The following RUFY2 variants were observed in gnomAD, a reference collection of about 807,000 sequenced individuals.
RUFY2 encodes the protein RUN and FYVE domain containing 2, also known as RUN and FYVE domain-containing protein 2.
RUFY2 carries 49 observed loss-of-function variants against 94.4 expected under a neutral mutation model. That is an observed-to-expected ratio of 0.52 (90% CI 0.41 to 0.66). RUFY2 has a LOEUF of 0.66. Among genes scored for constraint, RUFY2 ranks in the 30% least tolerant of loss-of-function variants. RUFY2 has a pLI of 0.00. For synonymous variants in RUFY2, 255 were observed against 235.7 expected (o/e 1.08, Z -0.75); for missense variants, 541 against 692.8 (o/e 0.78, Z 2.46).
chr10:68,399,789 C>T (rs140808724), intron 3 of RUFY2, among the ~76,000 whole-genome samples: 245 of 152,240 alleles, frequency 1.6e-3, no homozygotes, highest in African/African-American at 5.6e-3. Flanking sequence ...GTAATACCAG[C>T]ACTTTTTTTG....
intron 3 of RUFY2, among the ~76,000 whole-genome samples, chr10:68,397,728 T>G (rs983692429): frequency 6.6e-6 from 1 of 150,970 alleles, no homozygotes; most frequent in African/African-American, 2.4e-5. Context: ...CAGTGAACAG[T>G]GATTGCATCA....
intron 13 of RUFY2, among the ~76,000 whole-genome samples, chr10:68,376,143 C>T (rs2048620575): frequency 1.3e-5 from 2 of 148,306 alleles, no homozygotes; most frequent in African/African-American, 2.5e-5. Flanking sequence ...AAAATGTTCT[C>T]GGCTGGGTGC....
At chr10:68,365,595 G>A (rs1387521241) in intron 13 of RUFY2, among the ~76,000 whole-genome samples, 6 of 152,116 alleles carry the variant, frequency 3.9e-5, no homozygotes, top group African/African-American at 1.4e-4. Context: ...TAGCTTACTC[G>A]TTTTTATCCA....
chr10:68,372,907 C>CAA (rs556331420), intron 13 of RUFY2, among the ~76,000 whole-genome samples: 4 of 131,766 alleles, frequency 3.0e-5, no homozygotes, highest in African/African-American at 1.1e-4. Flanking sequence ...GACCCTGTAT[C>CAA]AAAAAAAAAA....
At chr10:68,346,715 T>A (rs2046300815) in intron 16 of RUFY2, 1 of 152,168 alleles carries the variant, frequency 6.6e-6, no homozygotes, top group African/African-American at 2.4e-5. Context: ...AGGCATGCAA[T>A]ACGAAATAAG....
Position 68,345,318 on chromosome 10 carries a change from T to TA in RUFY2, c.*449dup, listed in dbSNP as rs1465943695. 1 of 294,324 alleles carries TA rather than the reference T, an allele frequency of 3.4e-6. No homozygotes were observed. The highest frequency in any genetic ancestry group is 6.2e-6 in the Non-Finnish European group (1 of 161,688). 18.2% of individuals were successfully genotyped at this position (294,324 alleles called of 1,614,324 possible). ...GGGCAAATAAATATAGTTGAAATCT[T>TA]ACAAAGATAATGAAAATCTGTTGAA... On this transcript the variant is annotated 3_prime_UTR_variant, in exon 18 of 18. Coordinates refer to ENST00000602465, the MANE Select transcript of RUFY2 (RefSeq NM_001330103.2).
downstream of RUFY2, chr10:68,342,018 C>T (rs367996402): frequency 7.6e-5 from 123 of 1,613,764 alleles, 1 homozygote; most frequent in Admixed American, 1.7e-4. Flanking sequence ...ATGGGCAAGG[C>T]GGCATGAGTG....
chr10:68,383,170 C>A (rs1052985208), intron 10 of RUFY2, among the ~76,000 whole-genome samples: 1 of 151,976 alleles, frequency 6.6e-6, no homozygotes, highest in East Asian at 1.9e-4. Context: ...ATAAAAAATA[C>A]AAAAGTTAGC....
intron 16 of RUFY2, 55 bp downstream of exon 16, chr10:68,355,298 C>A (rs1371250464): frequency 2.0e-5 from 25 of 1,240,644 alleles, no homozygotes; most frequent in African/African-American, 3.0e-5. Context: ...CAGGGCATTA[C>A]CTTCCATTGG....
intron 3 of RUFY2, among the ~76,000 whole-genome samples, chr10:68,400,022 C>T (rs748641934): frequency 2.6e-5 from 4 of 152,040 alleles, no homozygotes; most frequent in East Asian, 3.9e-4. Context: ...TCAGGTGATC[C>T]GCCCACCTCG....
chr10:68,398,586 A>G (rs1012221223), intron 3 of RUFY2, among the ~76,000 whole-genome samples: 10 of 152,148 alleles, frequency 6.6e-5, no homozygotes, highest in African/African-American at 2.4e-4. Flanking sequence ...CAGGAGGTGG[A>G]GGTTGCAACG....
At position 68,383,732 on chromosome 10, in the gene RUFY2, G is replaced by T. The variant is rs1430293877; in HGVS notation, c.939+66C>A. ...GATAAGGCTGAAAAAGATTTTAAAT[G>T]GTGCTTGCTTGAGGGTAAATTACTC... On this transcript the variant is annotated intron_variant, in intron 10 of 17. Coordinates refer to ENST00000602465, the MANE Select transcript of RUFY2 (RefSeq NM_001330103.2). 8 of 1,092,006 alleles carry T rather than the reference G, an allele frequency of 7.3e-6. No individual in the cohort carries two copies. The East Asian group carries it at 1.4e-4, about 19-fold the overall frequency. The allele number at this position is 1,092,006 out of a possible 1,614,324, so 67.6% of individuals were successfully genotyped here.
intron 11 of RUFY2, 115 bp downstream of exon 11, chr10:68,381,117 G>T: frequency 1.7e-6 from 1 of 599,234 alleles, no homozygotes; most frequent in Non-Finnish European, 2.7e-6. Context: ...AAAGACATTG[G>T]CCTTTATAAT....
chr10:68,380,399 G>GA (rs927472233), intron 11 of RUFY2, among the ~76,000 whole-genome samples: 31 of 141,784 alleles, frequency 2.2e-4, no homozygotes, highest in African/African-American at 7.5e-4. Context: ...AAGAAAAAAA[G>GA]AAAAAAAAAT....
At chr10:68,369,576 T>C (rs1398076324) in intron 13 of RUFY2, among the ~76,000 whole-genome samples, 1 of 151,570 alleles carries the variant, frequency 6.6e-6, no homozygotes, top group African/African-American at 2.4e-5. Context: ...CATGAATGAA[T>C]TAACAGGTTA....
chr10:68,370,271 C>T (rs1400857533), intron 13 of RUFY2, among the ~76,000 whole-genome samples: 1 of 151,680 alleles, frequency 6.6e-6, no homozygotes, highest in African/African-American at 2.4e-5. Flanking sequence ...GGCAACAGAG[C>T]GAAAACTCTG....
intron 6 of RUFY2, 85 bp from the exon 7 acceptor site, chr10:68,393,288 AAAAC>A: frequency 1.6e-6 from 1 of 637,262 alleles, no homozygotes; most frequent in Non-Finnish European, 2.6e-6. Flanking sequence ...AAATTATTAT[AAAAC>A]TAAAATAATA....
intron 16 of RUFY2, among the ~76,000 whole-genome samples, chr10:68,354,137 TTAA>T (rs547201798): frequency 9.9e-5 from 15 of 152,230 alleles, no homozygotes; most frequent in Admixed American, 4.6e-4. Context: ...ATCATTATTA[TTAA>T]TAATATTATT....
At chr10:68,402,885 T>TCCCCGAC (rs1554897345) in intron 2 of RUFY2, among the ~76,000 whole-genome samples, 1 of 136,518 alleles carries the variant, frequency 7.3e-6, no homozygotes, top group African/African-American at 2.8e-5. Flanking sequence ...ACTCTGTGTC[T>TCCCCGAC]CCCAGACTGG....
Sources: allele counts gnomAD v4.1 joint callset (sites outside exome capture counted in the v4.1 genomes callset), GRCh38; gene constraint gnomAD v4.1.1; transcripts MANE v1.5; gene names NCBI Gene and HGNC (gene_info 2026-07-23, HGNC 2026-07-21).